CNTN5: variants seen among roughly 807,000 people sequenced by gnomAD.
The protein encoded by CNTN5 is contactin-5.
Under a neutral mutation model 129.1 loss-of-function variants are expected in CNTN5, and 77 were observed. The observed-to-expected ratio is 0.60, with a 90% CI of 0.50 to 0.72. The LOEUF is 0.72. Ranked by LOEUF, CNTN5 falls within the 30% of genes least tolerant of loss-of-function variation. The probability of loss-of-function intolerance (pLI) is 0.00; values close to 1 mark genes in which losing one functional copy is unlikely to be tolerated. For missense variants in CNTN5, 1,478 were observed against 1,328.8 expected, an observed-to-expected ratio of 1.11 and a Z score of -1.75; for synonymous variants, 509 against 465.6, an observed-to-expected ratio of 1.09 and a Z score of -1.20.
chr11:100,222,456 G>C (rs768120087), intron 15 of CNTN5, among the ~76,000 whole-genome samples: 1 of 152,034 alleles, frequency 6.6e-6, no homozygotes, highest in Non-Finnish European at 1.5e-5. Context: ...ACAGGTTTGA[G>C]GAATTTTGTC....
chr11:99,192,665 G>A (rs868173640), intron 1 of CNTN5, among the ~76,000 whole-genome samples: 7 of 151,904 alleles, frequency 4.6e-5, no homozygotes, highest in Non-Finnish European at 1.0e-4. Context: ...TACTGAACAT[G>A]CTACAAACAA....
At chr11:99,572,424 C>A (rs965677058) in intron 3 of CNTN5, among the ~76,000 whole-genome samples, 1 of 152,128 alleles carries the variant, frequency 6.6e-6, no homozygotes. Flanking sequence ...AAGAACAAAC[C>A]GGTAGAAGCT....
At chr11:99,220,597 A>T (rs1860350122) in intron 1 of CNTN5, among the ~76,000 whole-genome samples, 1 of 151,990 alleles carries the variant, frequency 6.6e-6, no homozygotes, top group Non-Finnish European at 1.5e-5. Flanking sequence ...TACAAAAGTT[A>T]TATTTTTAAA....
At chr11:99,735,841 G>A (rs75895575) in intron 3 of CNTN5, among the ~76,000 whole-genome samples, 3,781 of 152,096 alleles carry the variant, frequency 0.025, 153 homozygotes, top group African/African-American at 0.084. Flanking sequence ...TATACAATAC[G>A]GTATTGTTAA....
chr11:100,234,296 A>G (rs990469032), intron 16 of CNTN5, among the ~76,000 whole-genome samples: 1 of 152,224 alleles, frequency 6.6e-6, no homozygotes, highest in Non-Finnish European at 1.5e-5. Flanking sequence ...ATCACTGGGT[A>G]TATACCCAAA....
rs145609465 is a variant in CNTN5 at position 100,091,053 on chromosome 11, A to G, written c.1580+16759A>G. On this transcript the variant is annotated intron_variant, in intron 13 of 24. Transcript: ENST00000524871. The stretch of plus-strand genomic sequence containing the variant: ...TAAAATTACAACTCCCTTCTACGAC[A>G]CATGAGACTCTGCATGAGCTAACTT... Among the ~76,000 whole-genome samples, 156 of 152,260 alleles carry G rather than the reference A, an allele frequency of 1.0e-3. 1 individual carries two copies. In the Middle Eastern group the frequency reaches 0.014, roughly 13 times the overall value.
intron 2 of CNTN5, among the ~76,000 whole-genome samples, chr11:99,426,045 C>T (rs557995012): frequency 1.3e-5 from 2 of 152,274 alleles, no homozygotes; most frequent in East Asian, 1.9e-4. Flanking sequence ...GAACCTCATA[C>T]AATTTTGCAA....
intron 1 of CNTN5, among the ~76,000 whole-genome samples, chr11:99,094,239 A>G (rs1481928462): frequency 6.6e-6 from 1 of 151,966 alleles, no homozygotes; most frequent in Non-Finnish European, 1.5e-5. Flanking sequence ...ATAATGCATT[A>G]TTGATTAATC....
At chr11:99,273,528 G>A (rs73000249) in intron 1 of CNTN5, among the ~76,000 whole-genome samples, 1,692 of 151,732 alleles carry the variant, frequency 0.011, 19 homozygotes, top group Middle Eastern at 0.02. Flanking sequence ...AAGCCGATCG[G>A]AATGAGAAAA....
At chr11:100,310,625 AT>A (rs1156505012) in intron 21 of CNTN5, among the ~76,000 whole-genome samples, 8 of 152,064 alleles carry the variant, frequency 5.3e-5, no homozygotes, top group Non-Finnish European at 1.0e-4. Flanking sequence ...TAAGCGCATG[AT>A]TTTTTAAAAA....
chr11:100,345,577 T>TAAA (rs5794052), intron 23 of CNTN5, among the ~76,000 whole-genome samples: 12 of 146,656 alleles, frequency 8.2e-5, no homozygotes, highest in African/African-American at 1.5e-4. Context: ...TAACAGATAT[T>TAAA]AAAAAAAAAA....
chr11:99,103,775 A>G (rs1291572896), intron 1 of CNTN5, among the ~76,000 whole-genome samples: 2 of 152,060 alleles, frequency 1.3e-5, no homozygotes, highest in Non-Finnish European at 2.9e-5. Context: ...AAAAAAAAAA[A>G]AAAGATGTAG....
At chr11:99,044,645 T>A (rs1356480265) in intron 1 of CNTN5, among the ~76,000 whole-genome samples, 1 of 152,168 alleles carries the variant, frequency 6.6e-6, no homozygotes, top group Non-Finnish European at 1.5e-5. Context: ...GTGTTCTACA[T>A]ATGTTCTAGA....
chr11:99,729,304 T>G (rs1943450793), intron 3 of CNTN5, among the ~76,000 whole-genome samples: 1 of 151,976 alleles, frequency 6.6e-6, no homozygotes, highest in Non-Finnish European at 1.5e-5. Context: ...TGACATAACA[T>G]TTTTTTACCT....
chr11:100,103,388 A>ATGT (rs1436442045), intron 13 of CNTN5, among the ~76,000 whole-genome samples: 2 of 152,110 alleles, frequency 1.3e-5, no homozygotes, highest in Non-Finnish European at 2.9e-5. Flanking sequence ...TGAACAATCC[A>ATGT]TGTCTTGGAG....
At chr11:100,218,230 A>G (rs1949185484) in intron 15 of CNTN5, among the ~76,000 whole-genome samples, 1 of 152,242 alleles carries the variant, frequency 6.6e-6, no homozygotes, top group Non-Finnish European at 1.5e-5. Context: ...TGTAACATAT[A>G]TCACTGTAGT....
chr11:99,945,305 T>G (rs1950529399), intron 7 of CNTN5, among the ~76,000 whole-genome samples: 1 of 152,004 alleles, frequency 6.6e-6, no homozygotes, highest in Non-Finnish European at 1.5e-5. Flanking sequence ...AATGGATAAT[T>G]TTTGCATGGT....
chr11:99,308,635 A>G (rs1394667937), intron 1 of CNTN5, among the ~76,000 whole-genome samples: 2 of 152,206 alleles, frequency 1.3e-5, no homozygotes, highest in Non-Finnish European at 2.9e-5. Context: ...GGAAATATGA[A>G]TTACTATAAG....
Position 100,193,590 on chromosome 11 carries a change from C to G in CNTN5, c.1811C>G (p.Thr604Ser), listed in dbSNP as rs766349618. The G allele has an allele frequency of 6.2e-7, 1 of 1,612,006 alleles. No homozygotes were observed. The highest frequency in any genetic ancestry group is 1.7e-5 in the Admixed American group (1 of 59,732). ...KAIHDASLDV[T>S]FYWTLKGQPI... ...ATTCACGATGCTAGTTTGGATGTCACTTTCTACTGGACTCTGAAAGGACAG... is the reference window on the plus strand; with the variant it reads ...ATTCACGATGCTAGTTTGGATGTCAGTTTCTACTGGACTCTGAAAGGACAG... Residue 604 changes from threonine to serine, a missense_variant, in exon 15 of 25, where the codon ACT becomes AGT. By Grantham distance (58) the Thr-to-Ser change is moderately conservative. Transcript: ENST00000524871.
Sources: allele counts gnomAD v4.1 joint callset (sites outside exome capture counted in the v4.1 genomes callset), GRCh38; gene constraint gnomAD v4.1.1; transcripts MANE v1.5; gene names NCBI Gene and HGNC (gene_info 2026-07-23, HGNC 2026-07-21).